PCDHA12: variants seen among roughly 807,000 people sequenced by gnomAD.
PCDHA12 encodes the protein protocadherin alpha 12.
PCDHA12 carries 44 observed loss-of-function variants against 60.0 expected under a neutral mutation model. The ratio of observed to expected loss-of-function variants is 0.73; its 90% confidence interval spans 0.58 to 0.94. The LOEUF is 0.94. Ranked by LOEUF, PCDHA12 falls within the 40% of genes least tolerant of loss-of-function variation. PCDHA12 has a pLI of 0.00. For synonymous variants in PCDHA12, 569 were observed against 553.0 expected (o/e 1.03, Z -0.40); for missense variants, 1,276 against 1,239.7 (o/e 1.03, Z -0.44).
In PCDHA12 at chr5:140,876,448, G is replaced by C. The variant is rs2056350590; in HGVS notation, c.976G>C (p.Gly326Arg). Residue 326 changes from glycine (G) to arginine (R), a missense_variant, in exon 1 of 4, where the codon GGG (glycine) becomes CGG (arginine). Physicochemically the swap from Gly to Arg is moderately radical, Grantham distance 125. Coordinates refer to ENST00000398631, the MANE Select transcript of PCDHA12 (RefSeq NM_018903.4). ...YEIQVNAIDKGIPSMAGHSMV... is the reference protein window; with the variant it reads ...YEIQVNAIDKRIPSMAGHSMV... ...AATTCAGGTTAACGCCATTGATAAA[G>C]GGATTCCTTCCATGGCAGGTCACAG... The C allele has an allele frequency of 1.2e-6, 2 of 1,614,008 alleles. No homozygotes were observed. The highest frequency in any genetic ancestry group is 4.5e-5 in the East Asian group (2 of 44,884).
chr5:140,950,820 AG>A (rs1429119954), intron 1 of PCDHA12, among the ~76,000 whole-genome samples: 2 of 152,088 alleles, frequency 1.3e-5, no homozygotes, highest in Non-Finnish European at 2.9e-5. Context: ...GTAGGGTTAA[AG>A]TTTGGTCCTT....
chr5:140,932,261 T>C (rs1554208805), intron 1 of PCDHA12, among the ~76,000 whole-genome samples: 1 of 151,922 alleles, frequency 6.6e-6, no homozygotes, highest in East Asian at 1.9e-4. Context: ...CTCTGAGATA[T>C]AAATTTCTAC....
chr5:140,984,478 A>G (rs1374350616), intron 3 of PCDHA12, among the ~76,000 whole-genome samples: 1 of 152,078 alleles, frequency 6.6e-6, no homozygotes, highest in Non-Finnish European at 1.5e-5. Flanking sequence ...TGTATAACCC[A>G]TTTTATCCAG....
chr5:140,954,208 A>C (rs568734009), intron 1 of PCDHA12, among the ~76,000 whole-genome samples: 1 of 152,254 alleles, frequency 6.6e-6, no homozygotes, highest in Admixed American at 6.5e-5. Context: ...GGTTGATCCC[A>C]TGTTTTTGCT....
chr5:140,996,293 A>T (rs1481852263), intron 3 of PCDHA12, among the ~76,000 whole-genome samples: 1 of 152,264 alleles, frequency 6.6e-6, no homozygotes, highest in African/African-American at 2.4e-5. Context: ...CAAGAAGCAC[A>T]GATTGTAACA....
chr5:140,948,426 G>A (rs1301925814), intron 1 of PCDHA12, among the ~76,000 whole-genome samples: 1 of 151,446 alleles, frequency 6.6e-6, no homozygotes, highest in African/African-American at 2.4e-5. Flanking sequence ...TCTTCCTTCA[G>A]TGAAACATTC....
intron 1 of PCDHA12, chr5:140,927,454 G>A: frequency 6.2e-7 from 1 of 1,614,182 alleles, no homozygotes; most frequent in Non-Finnish European, 8.5e-7. Flanking sequence ...GTTGGTGTTG[G>A]AGAAAGCACT....
Position 140,928,600 on chromosome 5 carries a change from G to C in PCDHA12, c.2368-50349G>C, listed in dbSNP as rs144698541. ...AAATGGTTCTGTCCCAGTGGAAATT[G>C]TGCCCCGCTCTGCCAGGACTGGACA... On this transcript the variant is annotated intron_variant, in intron 1 of 3. Coordinates refer to ENST00000398631, the MANE Select transcript of PCDHA12 (RefSeq NM_018903.4). 3.1e-6 allele frequency: 5 copies of C among 1,614,090 alleles called. No homozygotes were observed. In the African/African-American group the frequency reaches 6.7e-5, roughly 22 times the overall value.
chr5:140,915,838 A>AG (rs1359061531), intron 1 of PCDHA12, among the ~76,000 whole-genome samples: 1 of 152,154 alleles, frequency 6.6e-6, no homozygotes, highest in Admixed American at 6.5e-5. Flanking sequence ...TAAGATCAGC[A>AG]GGGGGTGACA....
chr5:140,909,496 G>C (rs1554193832), intron 1 of PCDHA12, among the ~76,000 whole-genome samples: 1 of 152,168 alleles, frequency 6.6e-6, no homozygotes, highest in African/African-American at 2.4e-5. Context: ...GCTGAACGGG[G>C]ATGTGGTGGG....
intron 1 of PCDHA12, among the ~76,000 whole-genome samples, chr5:140,951,423 C>T (rs1324305371): frequency 6.6e-6 from 1 of 152,014 alleles, no homozygotes; most frequent in Non-Finnish European, 1.5e-5. Flanking sequence ...CTCACAGTTC[C>T]ACAGGCTGTA....
At chr5:140,914,263 G>T (rs950921953) in intron 1 of PCDHA12, among the ~76,000 whole-genome samples, 2 of 151,932 alleles carry the variant, frequency 1.3e-5, no homozygotes, top group South Asian at 2.1e-4. Flanking sequence ...TTCAATGGTG[G>T]GTGCATATAT....
chr5:140,908,730 C>G (rs1367655223), intron 1 of PCDHA12, among the ~76,000 whole-genome samples: 4 of 152,124 alleles, frequency 2.6e-5, no homozygotes, highest in Non-Finnish European at 4.4e-5. Context: ...TCATATGGCT[C>G]GAGAAACAGA....
intron 1 of PCDHA12, among the ~76,000 whole-genome samples, chr5:140,923,825 G>A (rs2081532169): frequency 6.6e-6 from 1 of 152,224 alleles, no homozygotes; most frequent in East Asian, 1.9e-4. Context: ...ATAGACGTCA[G>A]TGGCAGTTTA....
chr5:140,926,799 T>A, intron 1 of PCDHA12: 2 of 1,456,322 alleles, frequency 1.4e-6, no homozygotes, highest in Non-Finnish European at 1.8e-6. Flanking sequence ...GAGCGTGCTC[T>A]TCCCCGCGGC....
At chr5:140,899,217 C>T (rs1467184800) in intron 1 of PCDHA12, among the ~76,000 whole-genome samples, 1 of 152,040 alleles carries the variant, frequency 6.6e-6, no homozygotes, top group Non-Finnish European at 1.5e-5. Flanking sequence ...GCCAGAACTT[C>T]CAACACTATG....
intron 1 of PCDHA12, among the ~76,000 whole-genome samples, chr5:140,925,786 T>C (rs2082719026): frequency 1.3e-5 from 2 of 152,144 alleles, no homozygotes; most frequent in African/African-American, 4.8e-5. Context: ...CTAATGAGTA[T>C]CTCAGTACTT....
intron 1 of PCDHA12, among the ~76,000 whole-genome samples, chr5:140,944,043 T>C (rs2093600641): frequency 6.6e-6 from 1 of 152,080 alleles, no homozygotes; most frequent in African/African-American, 2.4e-5. Flanking sequence ...GAAAACCAGA[T>C]TGGGATACAA....
chr5:140,928,081 C>T (rs782268064), intron 1 of PCDHA12: 1 of 1,614,090 alleles, frequency 6.2e-7, no homozygotes, highest in Non-Finnish European at 8.5e-7. Context: ...CTACTACAGC[C>T]TGCTGATTGA....
Sources: allele counts gnomAD v4.1 joint callset (sites outside exome capture counted in the v4.1 genomes callset), GRCh38; gene constraint gnomAD v4.1.1; transcripts MANE v1.5; gene names NCBI Gene and HGNC (gene_info 2026-07-23, HGNC 2026-07-21).